SLC16A10: variants seen among roughly 807,000 people sequenced by gnomAD.
SLC16A10 encodes monocarboxylate transporter 10.
Under a neutral mutation model 40.0 loss-of-function variants are expected in SLC16A10, and 27 were observed. The ratio of observed to expected loss-of-function variants is 0.67; its 90% confidence interval spans 0.50 to 0.93. The LOEUF (loss-of-function observed/expected upper bound fraction) is 0.93, where lower values mean the gene tolerates loss of function less well. SLC16A10 is among the 40% of genes least tolerant of loss of function. The pLI is 0.00. For missense variants in SLC16A10, 529 were observed against 658.2 expected (o/e 0.80, Z 2.15); for synonymous variants, 213 against 249.8 (o/e 0.85, Z 1.39).
chr6:111,158,826 C>T (rs1347662692), intron 1 of SLC16A10, among the ~76,000 whole-genome samples: 1 of 152,032 alleles, frequency 6.6e-6, no homozygotes, highest in Non-Finnish European at 1.5e-5. Context: ...TGGCTCATGC[C>T]TGTAATGTCA....
At chr6:111,134,180 ACAGAAT>A (rs1271347943) in intron 1 of SLC16A10, among the ~76,000 whole-genome samples, 1 of 152,212 alleles carries the variant, frequency 6.6e-6, no homozygotes, top group African/African-American at 2.4e-5. Flanking sequence ...TCATTGGGAC[ACAGAAT>A]CAGAAGATGG....
intron 1 of SLC16A10, among the ~76,000 whole-genome samples, chr6:111,099,859 C>T (rs6568667): frequency 0.03 from 4,526 of 151,656 alleles, 195 homozygotes; most frequent in African/African-American, 0.097. Flanking sequence ...CCCATCTCTA[C>T]GAAAAATGCA....
chr6:111,124,961 A>T (rs1013248688), intron 1 of SLC16A10, among the ~76,000 whole-genome samples: 2 of 152,200 alleles, frequency 1.3e-5, no homozygotes, highest in Non-Finnish European at 2.9e-5. Context: ...TAAGACTTTG[A>T]ATCATTAAGT....
chr6:111,121,587 T>C (rs1771584588), intron 1 of SLC16A10, among the ~76,000 whole-genome samples: 2 of 152,180 alleles, frequency 1.3e-5, no homozygotes, highest in East Asian at 3.9e-4. Flanking sequence ...TTGTATTGTG[T>C]TTTGAAAAAC....
At chr6:111,152,468 C>T (rs575475075) in intron 1 of SLC16A10, among the ~76,000 whole-genome samples, 1 of 152,248 alleles carries the variant, frequency 6.6e-6, no homozygotes, top group South Asian at 2.1e-4. Flanking sequence ...AAATATTAAT[C>T]CTTAGCTCCA....
chr6:111,176,745 G>A (rs773677354), intron 2 of SLC16A10, among the ~76,000 whole-genome samples: 1 of 152,162 alleles, frequency 6.6e-6, no homozygotes, highest in Non-Finnish European at 1.5e-5. Context: ...ACCTTGTTTG[G>A]TAAGTACCTG....
chr6:111,105,376 A>C (rs1198364568), intron 1 of SLC16A10, among the ~76,000 whole-genome samples: 1 of 152,220 alleles, frequency 6.6e-6, no homozygotes, highest in Non-Finnish European at 1.5e-5. Context: ...TAAAAGAGTT[A>C]TCTAGGAGAG....
At chr6:111,167,179 C>T (rs1407349720) in intron 1 of SLC16A10, among the ~76,000 whole-genome samples, 2 of 152,182 alleles carry the variant, frequency 1.3e-5, no homozygotes, top group Non-Finnish European at 2.9e-5. Flanking sequence ...GTTAGTTGGT[C>T]ACTGCATGTA....
At chr6:111,089,592 AGT>A (rs1294166928) in intron 1 of SLC16A10, among the ~76,000 whole-genome samples, 1 of 152,206 alleles carries the variant, frequency 6.6e-6, no homozygotes, top group African/African-American at 2.4e-5. Flanking sequence ...AGGTACAAAA[AGT>A]GTTAAAAATG....
intron 4 of SLC16A10, among the ~76,000 whole-genome samples, chr6:111,212,098 A>G (rs1773354803): frequency 6.6e-6 from 1 of 152,170 alleles, no homozygotes; most frequent in Non-Finnish European, 1.5e-5. Context: ...CGCATGGTCT[A>G]GTTTCAGATC....
intron 3 of SLC16A10, among the ~76,000 whole-genome samples, chr6:111,182,856 G>A (rs549521407): frequency 4.6e-5 from 7 of 152,156 alleles, no homozygotes; most frequent in Admixed American, 4.6e-4. Flanking sequence ...AAGAAATCCT[G>A]GTGGCTTTTC....
At chr6:111,193,711 C>T (rs189318267) in intron 3 of SLC16A10, among the ~76,000 whole-genome samples, 4 of 152,264 alleles carry the variant, frequency 2.6e-5, no homozygotes, top group African/African-American at 9.6e-5. Context: ...TCATGGATTA[C>T]TCAGGGGTGG....
chr6:111,221,064 G>C (rs1415405217), intron 5 of SLC16A10, among the ~76,000 whole-genome samples: 1 of 152,228 alleles, frequency 6.6e-6, no homozygotes, highest in Non-Finnish European at 1.5e-5. Flanking sequence ...TGGACAAATG[G>C]TCAGCTATTT....
chr6:111,161,222 C>CAA (rs57463212), intron 1 of SLC16A10, among the ~76,000 whole-genome samples: 20,441 of 42,478 alleles, frequency 0.48, 6,073 homozygotes, highest in East Asian at 0.61. Flanking sequence ...GACAGTGTCT[C>CAA]AAAAAAAAAA....
At chr6:111,101,410 C>T (rs1043561918) in intron 1 of SLC16A10, among the ~76,000 whole-genome samples, 6 of 152,050 alleles carry the variant, frequency 3.9e-5, no homozygotes, top group African/African-American at 1.4e-4. Context: ...CTGGTACAGA[C>T]ACCTGTATTT....
chr6:111,176,804 T>A (rs3806967), intron 2 of SLC16A10, among the ~76,000 whole-genome samples: 5,378 of 152,314 alleles, frequency 0.035, 228 homozygotes, highest in East Asian at 0.22. Context: ...CTAACTTTTT[T>A]AAAAAATGTT....
chr6:111,229,991 T>TTTTTTTTC lies in SLC16A10; in HGVS notation c.*7763_*7764insCTTTTTTT, dbSNP rs1554262687. On this transcript the variant is annotated 3_prime_UTR_variant, in exon 6 of 6. Coordinates refer to ENST00000368851, the MANE Select transcript of SLC16A10 (RefSeq NM_018593.5). ...AGGTTTCTTTTTCTTTCTTTGTTTC[T>TTTTTTTTC]TTTTTTTTTTTTTTTTTGAGATGGA... is the stretch of plus-strand genomic sequence containing the variant. 1.3e-4 allele frequency: 1 copy of TTTTTTTTC among 7,544 alleles called. No individual in the cohort carries two copies. The highest frequency in any genetic ancestry group is 3.0e-4 in the African/African-American group (1 of 3,290). 0.5% of individuals were successfully genotyped at this position (7,544 alleles called of 1,614,324 possible).
rs757687123 is a variant in SLC16A10, at chr6:111,206,686, T to G, written c.1037T>G (p.Phe346Cys). Residue 346 changes from phenylalanine to cysteine, a missense_variant, in exon 4 of 6, where the codon TTT (phenylalanine) becomes TGT (cysteine). By Grantham distance (205) the Phe-to-Cys change is radical. Coordinates refer to ENST00000368851, the MANE Select transcript of SLC16A10 (RefSeq NM_018593.5). ...ACTTCAGGAGTTGGACGACTGCTCT[T>G]TGGCCGGATTGCAGATTATGTGCCT... Reference protein sequence around the residue: ...GVTSGVGRLLFGRIADYVPGV... With the variant: ...GVTSGVGRLLCGRIADYVPGV... The G allele has an allele frequency of 7.4e-6, 12 of 1,614,248 alleles. No individual in the cohort carries two copies. Among genetic ancestry groups the G allele is most frequent in the South Asian group, 4.4e-5 (4 of 91,086 alleles).
chr6:111,159,067 CAAAAAAAA>C (rs548809670), intron 1 of SLC16A10, among the ~76,000 whole-genome samples: 820 of 23,364 alleles, frequency 0.035, 11 homozygotes, highest in African/African-American at 0.12. Context: ...GACCCTGACT[CAAAAAAAA>C]AAAAAAAAAA....
Sources: gnomAD v4.1 joint callset for allele counts (sites outside exome capture counted in the v4.1 genomes callset) on GRCh38, gnomAD v4.1.1 for gene constraint, MANE v1.5 for transcripts, NCBI Gene and HGNC (gene_info 2026-07-23, HGNC 2026-07-21) for gene names.